SMG6: variants seen among roughly 807,000 people sequenced by gnomAD.
The protein encoded by SMG6 is telomerase-binding protein EST1A.
A neutral mutation model predicts 142.2 loss-of-function variants in SMG6; 66 were observed. The ratio of observed to expected loss-of-function variants is 0.46; its 90% CI spans 0.38 to 0.57. SMG6 has a LOEUF of 0.57. SMG6 is among the 20% of genes least tolerant of loss of function. SMG6 has a pLI of 0.00. For synonymous variants in SMG6, 779 were observed against 702.4 expected, an observed-to-expected ratio of 1.11 and a Z score of -1.72; for missense variants, 1,793 against 1,832.0, an observed-to-expected ratio of 0.98 and a Z score of 0.39.
At chr17:2,108,217 T>A (rs935881915) in intron 13 of SMG6, among the ~76,000 whole-genome samples, 1 of 152,200 alleles carries the variant, frequency 6.6e-6, no homozygotes, top group Non-Finnish European at 1.5e-5. Flanking sequence ...GAAGGAGACA[T>A]GGGAATCTGA....
chr17:2,291,529 G>A (rs1393137976), intron 6 of SMG6, among the ~76,000 whole-genome samples: 3 of 151,914 alleles, frequency 2.0e-5, no homozygotes, highest in Non-Finnish European at 4.4e-5. Flanking sequence ...ATGAGACAGA[G>A]GCAAAAACCG....
At chr17:2,065,435 T>C in intron 17 of SMG6, 33 bp downstream of exon 17, 1 of 1,594,146 alleles carries the variant, frequency 6.3e-7, no homozygotes, top group South Asian at 1.1e-5. Context: ...GGAAGCTGGC[T>C]GTGGGCTTTC....
chr17:2,297,187 A>G, intron 4 of SMG6, 56 bp downstream of exon 4: 1 of 1,258,284 alleles, frequency 7.9e-7, no homozygotes, highest in Middle Eastern at 1.9e-4. Context: ...ACCTAACACT[A>G]GATAAACGCT....
intron 10 of SMG6, among the ~76,000 whole-genome samples, chr17:2,198,886 G>A (rs2072418302): frequency 6.7e-6 from 1 of 148,500 alleles, no homozygotes; most frequent in Non-Finnish European, 1.5e-5. Context: ...ATGCCCAGTT[G>A]CGGCTCCTCA....
intron 1 of SMG6, among the ~76,000 whole-genome samples, chr17:2,301,332 A>G (rs2075272636): frequency 6.6e-6 from 1 of 152,152 alleles, no homozygotes; most frequent in Admixed American, 6.5e-5. Flanking sequence ...AACTTCACCC[A>G]TCCTCACCAA....
intron 10 of SMG6, among the ~76,000 whole-genome samples, chr17:2,199,143 C>A (rs16952009): frequency 1.3e-5 from 2 of 151,772 alleles, no homozygotes; most frequent in Non-Finnish European, 2.9e-5. Context: ...AGAAACTGAG[C>A]GAGCAGTTAA....
intron 9 of SMG6, among the ~76,000 whole-genome samples, chr17:2,240,889 G>A (rs971836246): frequency 6.6e-5 from 10 of 152,128 alleles, no homozygotes; most frequent in African/African-American, 1.9e-4. Context: ...TTTCAACACC[G>A]CCCACATTTC....
chr17:2,275,352 G>A (rs1003069500), intron 8 of SMG6, among the ~76,000 whole-genome samples: 1 of 152,178 alleles, frequency 6.6e-6, no homozygotes, highest in African/African-American at 2.4e-5. Context: ...AACTCAGGAG[G>A]TGGCGGCTGC....
intron 6 of SMG6, among the ~76,000 whole-genome samples, chr17:2,287,657 T>C (rs1001226136): frequency 1.3e-5 from 2 of 152,168 alleles, no homozygotes; most frequent in Non-Finnish European, 2.9e-5. Flanking sequence ...CAAGTATCCA[T>C]CAATGGGTGA....
intron 13 of SMG6, chr17:2,127,405 C>A: frequency 1.4e-6 from 1 of 725,646 alleles, no homozygotes; most frequent in South Asian, 1.4e-5. Flanking sequence ...TTTTCCCCCC[C>A]TCTTTAAATA....
chr17:2,254,506 T>C (rs2074119931), intron 8 of SMG6, among the ~76,000 whole-genome samples: 1 of 152,140 alleles, frequency 6.6e-6, no homozygotes, highest in Admixed American at 6.5e-5. Context: ...GGCCAATTTT[T>C]GTATTTTTAG....
chr17:2,286,307 C>CA (rs74656326), intron 6 of SMG6, among the ~76,000 whole-genome samples: 1,693 of 89,074 alleles, frequency 0.019, 23 homozygotes, highest in African/African-American at 0.032. Flanking sequence ...CTCAAATGGC[C>CA]AAAAAAAAAA....
intron 10 of SMG6, among the ~76,000 whole-genome samples, chr17:2,216,764 T>C (rs754518917): frequency 7.2e-5 from 11 of 152,234 alleles, no homozygotes; most frequent in Admixed American, 1.3e-4. Context: ...CATGGAGACA[T>C]ACTCTAGTTG....
In SMG6 at chr17:2,117,155, C is replaced by T. The variant is rs545473560; in HGVS notation, c.3358-31254G>A. ...TGTCGCCCAGTGTGTAGTGCAGTAG[C>T]GTGAACATGGCTCACTGCAGCCTTG... On this transcript the variant is annotated intron_variant, in intron 13 of 18. Coordinates refer to ENST00000263073, the MANE Select transcript of SMG6 (RefSeq NM_017575.5). Among the ~76,000 whole-genome samples the T allele has an allele frequency of 2.7e-5, 4 of 149,928 alleles. No individual in the cohort carries two copies. The South Asian group carries it at 8.4e-4, about 32-fold the overall frequency.
chr17:2,288,389 G>A (rs781632172), intron 6 of SMG6, among the ~76,000 whole-genome samples: 90 of 152,060 alleles, frequency 5.9e-4, no homozygotes, highest in Non-Finnish European at 1.0e-3. Flanking sequence ...GGAGGCTGAG[G>A]CAGGTGGCTA....
chr17:2,109,813 C>T (rs2069258658), intron 13 of SMG6, among the ~76,000 whole-genome samples: 2 of 152,112 alleles, frequency 1.3e-5, no homozygotes. Flanking sequence ...AACACAAGGG[C>T]AGACGCAGTG....
rs567475441 is a variant in SMG6, at chr17:2,151,274, C to A, written c.3357+21384G>T. On this transcript the variant is annotated intron_variant, in intron 13 of 18. Coordinates refer to ENST00000263073, the MANE Select transcript of SMG6 (RefSeq NM_017575.5). ...TATTGCAGAACTTTTTAACCCATCC[C>A]TCCATTTTTAAAGCCTGAAATATTA... Among the ~76,000 whole-genome samples the A allele has an allele frequency of 5.9e-5, 9 of 152,300 alleles. No homozygotes were observed. In the East Asian group the frequency reaches 9.6e-4, roughly 16 times the overall value.
rs527617880 is a variant in SMG6, at chr17:2,226,187, A to C, written c.2869+10305T>G. Reference sequence around the variant, plus strand: ...CTACTAGGGAGGCTGAGGCAGAAGAATTGCTTGAACTAGAGAGACAGAGGT... The same window carrying C: ...CTACTAGGGAGGCTGAGGCAGAAGACTTGCTTGAACTAGAGAGACAGAGGT... On this transcript the variant is annotated intron_variant, in intron 10 of 18. Coordinates refer to ENST00000263073, the MANE Select transcript of SMG6 (RefSeq NM_017575.5). 2.0e-5 allele frequency among the ~76,000 whole-genome samples: 3 copies of C among 151,676 alleles called. No individual in the cohort carries two copies. The South Asian group carries it at 6.3e-4, about 32-fold the overall frequency.
intron 16 of SMG6, among the ~76,000 whole-genome samples, chr17:2,067,141 A>G (rs1210717810): frequency 2.6e-5 from 4 of 152,192 alleles, no homozygotes; most frequent in Non-Finnish European, 5.9e-5. Context: ...GTCAGTTCCC[A>G]GCACCCTTAG....
Sources: gnomAD v4.1 joint callset for allele counts (sites outside exome capture counted in the v4.1 genomes callset) on GRCh38, gnomAD v4.1.1 for gene constraint, MANE v1.5 for transcripts, NCBI Gene and HGNC (gene_info 2026-07-23, HGNC 2026-07-21) for gene names.